The following ST8SIA5 variants were observed in gnomAD, a reference collection of about 807,000 sequenced individuals.
The protein encoded by ST8SIA5 is ST8 alpha-N-acetyl-neuraminide alpha-2,8-sialyltransferase 5, also known as alpha-2,8-sialyltransferase 8E.
ST8SIA5 carries 24 observed loss-of-function variants against 40.2 expected under a neutral mutation model. The ratio of observed to expected loss-of-function variants is 0.60; its 90% CI spans 0.43 to 0.84. The LOEUF is 0.84. Among genes scored for constraint, ST8SIA5 ranks in the 40% least tolerant of loss-of-function variants. The pLI is 0.00. For synonymous variants in ST8SIA5, 198 were observed against 201.8 expected (o/e 0.98, Z 0.16); for missense variants, 465 against 498.5 (o/e 0.93, Z 0.64).
At position 46,679,951 on chromosome 18, in the gene ST8SIA5, C is replaced by T. The variant is rs2144454355; in HGVS notation, c.*91G>A. 1 of 1,249,898 alleles carries T rather than the reference C, an allele frequency of 8.0e-7. No homozygotes were observed. Among genetic ancestry groups the T allele is most frequent in the African/African-American group, 1.5e-5 (1 of 66,734 alleles). 77.4% of individuals were successfully genotyped at this position (1,249,898 alleles called of 1,614,324 possible). A position where few individuals can be genotyped will look rare whatever the true frequency, so the allele number is the denominator to read the frequency against. On this transcript the variant is annotated 3_prime_UTR_variant, in exon 7 of 7. Transcript: ENST00000315087. ...GGGAGAGACAGCCTGAACGCCAGGA[C>T]CCCACGCTGCCCGGTTCGGGGCTCC...
chr18:46,744,128 C>T (rs1819532204), intron 1 of ST8SIA5, among the ~76,000 whole-genome samples: 1 of 152,132 alleles, frequency 6.6e-6, no homozygotes, highest in Admixed American at 6.5e-5. Context: ...TTGTAAAAAC[C>T]ATCGATGCTA....
intron 1 of ST8SIA5, among the ~76,000 whole-genome samples, chr18:46,715,232 G>A (rs2039775294): frequency 6.6e-6 from 1 of 152,214 alleles, no homozygotes; most frequent in Non-Finnish European, 1.5e-5. Context: ...GCTGAAGTGA[G>A]CCAGCTGCAC....
chr18:46,687,523 T>G (rs554348245), intron 4 of ST8SIA5, among the ~76,000 whole-genome samples: 2 of 152,132 alleles, frequency 1.3e-5, no homozygotes, highest in Non-Finnish European at 2.9e-5. Flanking sequence ...GAGATGCAAA[T>G]CCACCTGCTG....
Position 46,682,063 on chromosome 18 carries a change from A to G in ST8SIA5, c.571T>C (p.Cys191Arg), listed in dbSNP as rs749580766. 1 of 1,605,788 alleles carries G rather than the reference A, an allele frequency of 6.2e-7. No homozygotes were observed. The highest frequency in any genetic ancestry group is 8.5e-7 in the Non-Finnish European group (1 of 1,176,468). The change falls in exon 6 of 7, where the codon TGC (cysteine) becomes CGC (arginine). Residue 191 changes from cysteine to arginine, a missense_variant and splice_region_variant. By Grantham distance (180) the Cys-to-Arg change is radical (BLOSUM62 -3). Coordinates refer to ENST00000315087, the MANE Select transcript of ST8SIA5 (RefSeq NM_013305.6). Reference sequence around the variant, plus strand: ...TTCTCTGAGATGGGGGGCAGGTTGCACCTGCAGAAGAGAAAAGGCAGCCCA... The same window carrying G: ...TTCTCTGAGATGGGGGGCAGGTTGCGCCTGCAGAAGAGAAAAGGCAGCCCA... Reference protein sequence around the residue: ...EINSADFVFRCNLPPISEKYT... With the variant: ...EINSADFVFRRNLPPISEKYT...
intron 1 of ST8SIA5, among the ~76,000 whole-genome samples, chr18:46,726,335 A>G (rs997812857): frequency 6.6e-6 from 1 of 152,126 alleles, no homozygotes; most frequent in East Asian, 1.9e-4. Flanking sequence ...AACAGCAAAG[A>G]GCAAACGCTT....
At chr18:46,681,672 G>A (rs1452849375) in intron 6 of ST8SIA5, among the ~76,000 whole-genome samples, 2 of 152,186 alleles carry the variant, frequency 1.3e-5, no homozygotes, top group African/African-American at 4.8e-5. Context: ...ACTAATGCAG[G>A]CCACATATGG....
chr18:46,695,472 A>G (rs879838867), intron 2 of ST8SIA5, among the ~76,000 whole-genome samples: 1 of 152,228 alleles, frequency 6.6e-6, no homozygotes, highest in Non-Finnish European at 1.5e-5. Context: ...AATGGATGTA[A>G]TAATAGTCTC....
chr18:46,739,696 G>T (rs1027231515), intron 1 of ST8SIA5, among the ~76,000 whole-genome samples: 1 of 152,188 alleles, frequency 6.6e-6, no homozygotes, highest in Non-Finnish European at 1.5e-5. Context: ...TCTGGGGCAG[G>T]TGCTGTGACA....
intron 1 of ST8SIA5, among the ~76,000 whole-genome samples, chr18:46,747,286 C>T (rs1301090420): frequency 1.3e-5 from 2 of 152,128 alleles, no homozygotes; most frequent in Non-Finnish European, 2.9e-5. Flanking sequence ...AACAAGCAAC[C>T]TACAGAATGG....
chr18:46,725,986 T>TATATATATATCCTGG (rs2039920651), intron 1 of ST8SIA5, among the ~76,000 whole-genome samples: 7 of 52,996 alleles, frequency 1.3e-4, no homozygotes, highest in African/African-American at 4.8e-4. Context: ...TATATATATA[T>TATATATATATCCTGG]ATATATATAT....
chr18:46,689,308 A>G (rs2039480176), intron 3 of ST8SIA5, among the ~76,000 whole-genome samples: 1 of 152,132 alleles, frequency 6.6e-6, no homozygotes, highest in South Asian at 2.1e-4. Context: ...TCCTCGACGG[A>G]GCCTGAGTCC....
At chr18:46,689,505 T>C (rs1173511348) in intron 3 of ST8SIA5, among the ~76,000 whole-genome samples, 1 of 152,076 alleles carries the variant, frequency 6.6e-6, no homozygotes, top group Non-Finnish European at 1.5e-5. Context: ...CATACAGGCT[T>C]GGCTCTTCTA....
In ST8SIA5 at chr18:46,753,574, G is replaced by GA. The variant is rs1160590072; in HGVS notation, c.131+2803dup. On this transcript the variant is annotated intron_variant, in intron 1 of 6. Coordinates refer to ENST00000315087, the MANE Select transcript of ST8SIA5 (RefSeq NM_013305.6). ...GGTGACACAGTGAGACTCCATCTCA[G>GA]AAAAAAAAAAAAAAGAAAGAAAAAG... Among the ~76,000 whole-genome samples, 235 of 113,486 alleles carry GA rather than the reference G, an allele frequency of 2.1e-3. 1 individual carries two copies. Among genetic ancestry groups the GA allele is most frequent in the Admixed American group, 4.8e-3 (51 of 10,586 alleles). The allele number at this position is 113,486 out of a possible 152,430, so 74.5% of individuals were successfully genotyped here. A position where few individuals can be genotyped will look rare whatever the true frequency, so the allele number is the denominator to read the frequency against.
chr18:46,743,618 G>A (rs1290966517), intron 1 of ST8SIA5, among the ~76,000 whole-genome samples: 1 of 152,170 alleles, frequency 6.6e-6, no homozygotes, highest in East Asian at 1.9e-4. Context: ...GGGGGAGAAT[G>A]GAACCAAGAT....
In ST8SIA5 at chr18:46,679,749, C is replaced by T. The variant is rs2039367423; in HGVS notation, c.*293G>A. 4.5e-6 allele frequency: 2 copies of T among 448,038 alleles called. No individual in the cohort carries two copies. Among genetic ancestry groups the T allele is most frequent in the Admixed American group, 8.0e-5 (2 of 25,096 alleles). The allele number at this position is 448,038 out of a possible 1,614,324, so 27.8% of individuals were successfully genotyped here. A position where few individuals can be genotyped will look rare whatever the true frequency, so the allele number is the denominator to read the frequency against. The stretch of plus-strand genomic sequence containing the variant: ...AAATGTGCTTTATTCACTTGCCGTC[C>T]CCAGGGCCCCTGATCTTGGGGTGTG... On this transcript the variant is annotated 3_prime_UTR_variant, in exon 7 of 7. Coordinates refer to ENST00000315087, the MANE Select transcript of ST8SIA5 (RefSeq NM_013305.6).
chr18:46,694,096 AAAGATCCAGG>A (rs2039532808), intron 2 of ST8SIA5, among the ~76,000 whole-genome samples: 1 of 152,220 alleles, frequency 6.6e-6, no homozygotes, highest in Non-Finnish European at 1.5e-5. Flanking sequence ...TGAGATCCAG[AAAGATCCAGG>A]AAGCTCCTCA....
chr18:46,698,527 C>T (rs1230326323), intron 2 of ST8SIA5, among the ~76,000 whole-genome samples: 3 of 152,184 alleles, frequency 2.0e-5, no homozygotes, highest in African/African-American at 7.2e-5. Context: ...AAACCAACCA[C>T]CCACCACGCC....
chr18:46,755,469 G>A (rs2040233675), intron 1 of ST8SIA5, among the ~76,000 whole-genome samples: 1 of 152,180 alleles, frequency 6.6e-6, no homozygotes, highest in African/African-American at 2.4e-5. Flanking sequence ...TGCCAAGAGA[G>A]GCTCTGATAT....
At position 46,680,320 on chromosome 18, in the gene ST8SIA5, C is replaced by G; in HGVS notation, c.853G>C (p.Val285Leu). 6.2e-7 allele frequency: 1 copy of G among 1,614,218 alleles called. No homozygotes were observed. Among genetic ancestry groups the G allele is most frequent in the South Asian group, 1.1e-5 (1 of 91,080 alleles). Residue 285 changes from valine to leucine, a missense_variant, in exon 7 of 7, where the codon GTG becomes CTG. Coordinates refer to ENST00000315087, the MANE Select transcript of ST8SIA5 (RefSeq NM_013305.6). The part of the protein sequence containing the change: ...YYFHPQYLVN[V>L]SRYWLSLGVR... ...CCCAGGCTGAGCCAGTAGCGCGACACGTTGACCAGGTACTGCGGATGGAAG... is the reference window on the plus strand; with the variant it reads ...CCCAGGCTGAGCCAGTAGCGCGACAGGTTGACCAGGTACTGCGGATGGAAG...
Sources: gnomAD v4.1 joint callset for allele counts (sites outside exome capture counted in the v4.1 genomes callset) on GRCh38, gnomAD v4.1.1 for gene constraint, MANE v1.5 for transcripts, NCBI Gene and HGNC (gene_info 2026-07-23, HGNC 2026-07-21) for gene names.